Variants in ZNF805 observed in about 807,000 individuals in gnomAD.
ZNF805 encodes CTC-444N24.8.
Under a neutral mutation model 13.6 loss-of-function variants are expected in ZNF805, and 7 were observed. That is an observed-to-expected ratio of 0.51 (90% CI 0.29 to 0.97). The LOEUF is 0.97. Ranked by LOEUF, ZNF805 falls within the 50% of genes least tolerant of loss-of-function variation. The pLI is 0.08. For synonymous variants in ZNF805, 293 were observed against 279.8 expected (o/e 1.05, Z -0.47); for missense variants, 604 against 771.0 (o/e 0.78, Z 2.57).
At chr19:57,246,016 A>G (rs990035956) in intron 2 of ZNF805, among the ~76,000 whole-genome samples, 1 of 152,170 alleles carries the variant, frequency 6.6e-6, no homozygotes, top group Non-Finnish European at 1.5e-5. Flanking sequence ...TTGTTCTTTT[A>G]TTTCTTCTCG....
At position 57,254,706 on chromosome 19, in the gene ZNF805, A is replaced by G; in HGVS notation, c.*3A>G. On this transcript the variant is annotated 3_prime_UTR_variant, in exon 4 of 4. Coordinates refer to ENST00000414468, the MANE Select transcript of ZNF805 (RefSeq NM_001023563.4). ...CCCCACAAGTGTCTTCACTGTGAGA[A>G]AACCTTCTGTTGCCAAATGTCATTT... 1 of 1,599,978 alleles carries G rather than the reference A, an allele frequency of 6.3e-7. No homozygotes were observed. Among genetic ancestry groups the G allele is most frequent in the Non-Finnish European group, 8.5e-7 (1 of 1,173,108 alleles).
At chr19:57,245,084 A>G (rs1306583886) in intron 2 of ZNF805, among the ~76,000 whole-genome samples, 1 of 152,180 alleles carries the variant, frequency 6.6e-6, no homozygotes, top group Admixed American at 6.5e-5. Flanking sequence ...GCAGGCCCCA[A>G]GGAGACATTG....
intron 3 of ZNF805, among the ~76,000 whole-genome samples, chr19:57,252,647 A>C (rs1021851072): frequency 1.3e-5 from 2 of 152,226 alleles, no homozygotes; most frequent in Non-Finnish European, 2.9e-5. Context: ...TGCCATGTGA[A>C]GTTTCCAGCC....
At chr19:57,248,524 T>C (rs2087632624) in intron 2 of ZNF805, 81 bp from the exon 3 acceptor site, 12 of 1,281,502 alleles carry the variant, frequency 9.4e-6, no homozygotes, top group Middle Eastern at 2.6e-4. Flanking sequence ...CTGGTCCCCA[T>C]CCTGAAGTCC....
rs2087671886 is a variant in ZNF805, at chr19:57,254,233, C to T, written c.1414C>T (p.Arg472Cys). Reference protein sequence around the residue: ...KAFSNRADLIRHFSIHTGEKP... With the variant: ...KAFSNRADLICHFSIHTGEKP... ...CTTTAGCAATAGGGCAGACCTCATT[C>T]GCCACTTCAGCATCCACACTGGAGA... The change falls in exon 4 of 4, where the codon CGC becomes TGC. Residue 472 changes from arginine to cysteine, a missense_variant. Arg to Cys is a radical substitution (Grantham distance 180). Coordinates refer to ENST00000414468, the MANE Select transcript of ZNF805 (RefSeq NM_001023563.4). 3.7e-6 allele frequency: 6 copies of T among 1,613,510 alleles called. No individual in the cohort carries two copies. Among genetic ancestry groups the T allele is most frequent in the Non-Finnish European group, 5.1e-6 (6 of 1,179,886 alleles).
rs1491116719 is a variant in ZNF805, at chr19:57,257,530, T to TAAAAA, written c.*2827_*2828insAAAAA. Among the ~76,000 whole-genome samples the TAAAAA allele has an allele frequency of 1.2e-5, 1 of 86,404 alleles. No homozygotes were observed. Among genetic ancestry groups the TAAAAA allele is most frequent in the Non-Finnish European group, 3.5e-5 (1 of 28,718 alleles). 56.7% of individuals were successfully genotyped at this position (86,404 alleles called of 152,430 possible). A position where few individuals can be genotyped will look rare whatever the true frequency, so the allele number is the denominator to read the frequency against. On this transcript the variant is annotated 3_prime_UTR_variant, in exon 4 of 4. Coordinates refer to ENST00000414468, the MANE Select transcript of ZNF805 (RefSeq NM_001023563.4). The stretch of plus-strand genomic sequence containing the variant: ...TCCCTTTTTGTTCCTGTTAATACTC[T>TAAAAA]TATCAATTTTTATCTGATATTTGTG...
At position 57,254,417 on chromosome 19, in the gene ZNF805, A is replaced by C; in HGVS notation, c.1598A>C (p.His533Pro). 6.2e-7 allele frequency: 1 copy of C among 1,614,178 alleles called. No individual in the cohort carries two copies. Among genetic ancestry groups the C allele is most frequent in the South Asian group, 1.1e-5 (1 of 91,084 alleles). ...AACCTCATTCGACACTCTATCATCC[A>C]CACTGGAGAGAAGCCGTATGAGTGC... ...STNLIRHSII[H>P]TGEKPYECSE... is the part of the protein sequence containing the mutation. Residue 533 changes from histidine to proline, a missense_variant, in exon 4 of 4, where the codon CAC becomes CCC. Physicochemically the swap from His to Pro is moderately conservative, Grantham distance 77. Transcript: ENST00000414468.
At chr19:57,245,508 G>A (rs1041933240) in intron 2 of ZNF805, among the ~76,000 whole-genome samples, 5 of 152,238 alleles carry the variant, frequency 3.3e-5, no homozygotes, top group African/African-American at 4.8e-5. Context: ...GGCCAGGTGC[G>A]ATAGCTCATG....
rs1240253331 is a variant in ZNF805, at chr19:57,260,641, G to A, written c.*5938G>A. Among the ~76,000 whole-genome samples the A allele has an allele frequency of 6.6e-6, 1 of 152,154 alleles. No homozygotes were observed. The highest frequency in any genetic ancestry group is 1.5e-5 in the Non-Finnish European group (1 of 68,038). Reference sequence around the variant, plus strand: ...CCCAGCATCCATCATGATCATTGCTGTTTTCTAACTTGTCCTTCACCCCAT... The same window carrying A: ...CCCAGCATCCATCATGATCATTGCTATTTTCTAACTTGTCCTTCACCCCAT... On this transcript the variant is annotated 3_prime_UTR_variant, in exon 4 of 4. Coordinates refer to ENST00000414468, the MANE Select transcript of ZNF805 (RefSeq NM_001023563.4).
chr19:57,262,601 CTT>C lies in ZNF805; in HGVS notation c.*7900_*7901del, dbSNP rs1042131928. On this transcript the variant is annotated 3_prime_UTR_variant, in exon 4 of 4. Transcript: ENST00000414468. ...CACGTATGTCAGTTTCTCATCCACT[CTT>C]TGTTCTTGCTATTGAAAGTTGTAGC... The C allele has an allele frequency of 6.0e-6, 1 of 167,080 alleles. No individual in the cohort carries two copies. Among genetic ancestry groups the C allele is most frequent in the African/African-American group, 2.4e-5 (1 of 41,456 alleles). 10.3% of individuals were successfully genotyped at this position (167,080 alleles called of 1,614,324 possible).
chr19:57,241,146 A>T (rs2087577494), intron 1 of ZNF805, among the ~76,000 whole-genome samples: 1 of 152,080 alleles, frequency 6.6e-6, no homozygotes, highest in Non-Finnish European at 1.5e-5. Context: ...TAGGGCTGTG[A>T]CGTACAATTT....
Position 57,240,787 on chromosome 19 carries a change from A to G in ZNF805, c.-105A>G. 8.8e-7 allele frequency: 1 copy of G among 1,132,500 alleles called. No homozygotes were observed. The allele number at this position is 1,132,500 out of a possible 1,614,324, so 70.2% of individuals were successfully genotyped here. On this transcript the variant is annotated 5_prime_UTR_variant, in exon 1 of 4. Transcript: ENST00000414468. ...TAACGAGAGAGTTTGACTGTCAGCC[A>G]AGGTCACCGGGCCCGGCGCAGGGAA...
At chr19:57,242,136 G>A (rs2087583550) in intron 1 of ZNF805, among the ~76,000 whole-genome samples, 3 of 152,204 alleles carry the variant, frequency 2.0e-5, no homozygotes, top group South Asian at 4.1e-4. Flanking sequence ...ACAAGAGGAG[G>A]TCAAGACTCC....
Position 57,257,777 on chromosome 19 carries a change from G to A in ZNF805, c.*3074G>A, listed in dbSNP as rs922493583. ...GCTGGAGTGGAGTGGTGCGATCTCCGCTCACTGCAACCTCCGCCTCCTGGG... is the reference window on the plus strand; with the variant it reads ...GCTGGAGTGGAGTGGTGCGATCTCCACTCACTGCAACCTCCGCCTCCTGGG... On this transcript the variant is annotated 3_prime_UTR_variant, in exon 4 of 4. Coordinates refer to ENST00000414468, the MANE Select transcript of ZNF805 (RefSeq NM_001023563.4). Among the ~76,000 whole-genome samples, 22 of 130,190 alleles carry A rather than the reference G, an allele frequency of 1.7e-4. No homozygotes were observed. Among genetic ancestry groups the A allele is most frequent in the Admixed American group, 1.2e-3 (13 of 10,582 alleles). The allele number at this position is 130,190 out of a possible 152,430, so 85.4% of individuals were successfully genotyped here. A position where few individuals can be genotyped will look rare whatever the true frequency, so the allele number is the denominator to read the frequency against.
At position 57,259,318 on chromosome 19, in the gene ZNF805, T is replaced by C. The variant is rs1245496100; in HGVS notation, c.*4615T>C. Among the ~76,000 whole-genome samples, 2 of 152,180 alleles carry C rather than the reference T, an allele frequency of 1.3e-5. No individual in the cohort carries two copies. Among genetic ancestry groups the C allele is most frequent in the Non-Finnish European group, 2.9e-5 (2 of 68,038 alleles). Reference sequence around the variant, plus strand: ...TTACTGTCTCAGAGGTCTCTTGTGCTTTCATGTTTACCCCCTTTTTCTGGT... The same window carrying C: ...TTACTGTCTCAGAGGTCTCTTGTGCCTTCATGTTTACCCCCTTTTTCTGGT... On this transcript the variant is annotated 3_prime_UTR_variant, in exon 4 of 4. Transcript: ENST00000414468.
Position 57,240,910 on chromosome 19 carries a change from G to T in ZNF805, c.19G>T (p.Asp7Tyr). ...TCCCGGTATGGCGATGGCTTTGACG[G>T]ACCCGGCGCAGGTGAGTGGACAAGG... The part of the protein sequence containing the change: MAMALT[D>Y]PAQVSVTFDD... The change falls in exon 1 of 4, where the codon GAC becomes TAC. Residue 7 changes from aspartate to tyrosine, a missense_variant. Transcript: ENST00000414468. The T allele has an allele frequency of 6.4e-7, 1 of 1,558,602 alleles. No homozygotes were observed. Among genetic ancestry groups the T allele is most frequent in the Non-Finnish European group, 8.7e-7 (1 of 1,151,466 alleles).
intron 2 of ZNF805, among the ~76,000 whole-genome samples, chr19:57,247,480 T>C (rs543480628): frequency 8.5e-5 from 13 of 152,226 alleles, no homozygotes; most frequent in Non-Finnish European, 1.2e-4. Context: ...GGCAAGTTAC[T>C]GAACTTGCCT....
intron 1 of ZNF805, 80 bp downstream of exon 1, chr19:57,241,001 C>A: frequency 7.0e-7 from 1 of 1,426,464 alleles, no homozygotes; most frequent in Non-Finnish European, 9.6e-7. Context: ...GCCAAGACAG[C>A]CACAGGATTC....
intron 3 of ZNF805, among the ~76,000 whole-genome samples, chr19:57,249,265 G>A (rs1435406820): frequency 1.3e-5 from 2 of 152,090 alleles, no homozygotes; most frequent in African/African-American, 2.4e-5. Flanking sequence ...TGGGAACTGG[G>A]CATTTGGCTG....
Sources: gnomAD v4.1 joint callset for allele counts (sites outside exome capture counted in the v4.1 genomes callset) on GRCh38, gnomAD v4.1.1 for gene constraint, MANE v1.5 for transcripts, NCBI Gene and HGNC (gene_info 2026-07-23, HGNC 2026-07-21) for gene names.